The following AUTS2 variants were observed in gnomAD, a reference collection of about 807,000 sequenced individuals.
The protein encoded by AUTS2 is activator of transcription and developmental regulator AUTS2, also known as autism susceptibility gene 2 protein.
Under a neutral mutation model 112.4 loss-of-function variants are expected in AUTS2, and 17 were observed. The observed-to-expected ratio is 0.15, with a 90% CI of 0.10 to 0.23. The LOEUF is 0.23. Among genes scored for constraint, AUTS2 ranks in the 10% least tolerant of loss-of-function variants. The probability of loss-of-function intolerance (pLI) is 1.00; values close to 1 mark genes in which losing one functional copy is unlikely to be tolerated. For missense variants in AUTS2, 1,510 were observed against 1,701.6 expected, an observed-to-expected ratio of 0.89 and a Z score of 1.98; for synonymous variants, 751 against 702.7, an observed-to-expected ratio of 1.07 and a Z score of -1.09.
intron 2 of AUTS2, among the ~76,000 whole-genome samples, chr7:69,997,067 C>T (rs1798980012): frequency 6.6e-6 from 1 of 151,652 alleles, no homozygotes; most frequent in Non-Finnish European, 1.5e-5. Flanking sequence ...AAATGTGCAG[C>T]CAGGGTTGAG....
chr7:69,720,747 A>G (rs1039592614), intron 1 of AUTS2, among the ~76,000 whole-genome samples: 1 of 152,194 alleles, frequency 6.6e-6, no homozygotes, highest in African/African-American at 2.4e-5. Flanking sequence ...TCTGCCTAAG[A>G]AGTCAGACAG....
At chr7:70,605,546 C>CTTTTTTTTTTTTTTTTTTTTTTTTTT in intron 5 of AUTS2, among the ~76,000 whole-genome samples, 13 of 70,664 alleles carry the variant, frequency 1.8e-4, no homozygotes, top group African/African-American at 5.9e-4. Flanking sequence ...CCTTCTTTCT[C>CTTTTTTTTTTTTTTTTTTTTTTTTTT]TTTTTTTTTT....
intron 4 of AUTS2, among the ~76,000 whole-genome samples, chr7:70,417,192 C>T (rs1172871227): frequency 2.0e-5 from 3 of 152,222 alleles, no homozygotes; most frequent in Non-Finnish European, 4.4e-5. Flanking sequence ...TGCCTCCTCC[C>T]CAGCTAATTT....
intron 6 of AUTS2, among the ~76,000 whole-genome samples, chr7:70,739,572 A>G (rs536163700): frequency 1.2e-4 from 18 of 152,220 alleles, no homozygotes; most frequent in Middle Eastern, 3.4e-3. Flanking sequence ...GATAGGAGAT[A>G]GAGAAAAATT....
intron 5 of AUTS2, among the ~76,000 whole-genome samples, chr7:70,663,837 C>T (rs935264467): frequency 1.3e-5 from 2 of 152,158 alleles, no homozygotes; most frequent in Admixed American, 6.5e-5. Flanking sequence ...ATCACTACCA[C>T]GTCTCAGAAT....
intron 3 of AUTS2, among the ~76,000 whole-genome samples, chr7:70,129,590 T>C (rs1333222660): frequency 6.6e-6 from 1 of 152,180 alleles, no homozygotes; most frequent in Non-Finnish European, 1.5e-5. Context: ...CAGGTTATTA[T>C]CTTAAAAGCC....
At chr7:69,649,294 G>A (rs1795180462) in intron 1 of AUTS2, among the ~76,000 whole-genome samples, 1 of 152,176 alleles carries the variant, frequency 6.6e-6, no homozygotes, top group Non-Finnish European at 1.5e-5. Flanking sequence ...GGAGCAAGAG[G>A]CATCCAGCAA....
chr7:70,398,850 T>A (rs748594742), intron 4 of AUTS2, among the ~76,000 whole-genome samples: 26 of 152,218 alleles, frequency 1.7e-4, no homozygotes, highest in Non-Finnish European at 3.2e-4. Flanking sequence ...TTTTCATATA[T>A]AGCCATTTTC....
At chr7:70,242,925 AG>A (rs940093261) in intron 4 of AUTS2, among the ~76,000 whole-genome samples, 1 of 152,174 alleles carries the variant, frequency 6.6e-6, no homozygotes, top group Admixed American at 6.6e-5. Context: ...TCTTCTCTAA[AG>A]TAGTAAAGGT....
chr7:70,219,006 G>A (rs767340460), intron 4 of AUTS2, among the ~76,000 whole-genome samples: 3 of 152,066 alleles, frequency 2.0e-5, no homozygotes, highest in Non-Finnish European at 2.9e-5. Flanking sequence ...TTTGTTCTGC[G>A]TATTATTTTT....
intron 4 of AUTS2, among the ~76,000 whole-genome samples, chr7:70,425,554 G>A (rs1795397815): frequency 6.6e-6 from 1 of 152,218 alleles, no homozygotes; most frequent in Non-Finnish European, 1.5e-5. Context: ...GAAGGAGGGA[G>A]GGAGGAGGAA....
chr7:70,674,133 C>G (rs998807920), intron 5 of AUTS2, among the ~76,000 whole-genome samples: 1 of 152,100 alleles, frequency 6.6e-6, no homozygotes, highest in Admixed American at 6.5e-5. Flanking sequence ...GGGCAGCTCC[C>G]GGCTCTGCTC....
chr7:69,714,508 G>A (rs192582730), intron 1 of AUTS2, among the ~76,000 whole-genome samples: 1 of 152,002 alleles, frequency 6.6e-6, no homozygotes, highest in Non-Finnish European at 1.5e-5. Flanking sequence ...TCAAAAATTA[G>A]TTGTCTATAT....
At chr7:69,952,074 T>A (rs1354838630) in intron 2 of AUTS2, among the ~76,000 whole-genome samples, 1 of 152,182 alleles carries the variant, frequency 6.6e-6, no homozygotes, top group Non-Finnish European at 1.5e-5. Flanking sequence ...ACTGCACTTT[T>A]ATGGCCATTT....
intron 1 of AUTS2, among the ~76,000 whole-genome samples, chr7:69,856,602 G>A (rs1419532492): frequency 6.6e-6 from 1 of 152,140 alleles, no homozygotes; most frequent in Non-Finnish European, 1.5e-5. Flanking sequence ...TAAGCTGGAT[G>A]CATTAACTAG....
chr7:70,649,405 A>T (rs1806360800), intron 5 of AUTS2, among the ~76,000 whole-genome samples: 2 of 152,352 alleles, frequency 1.3e-5, no homozygotes, highest in South Asian at 2.1e-4. Context: ...CAAAAAAAAT[A>T]AAAAAGTAAG....
intron 1 of AUTS2, among the ~76,000 whole-genome samples, chr7:69,755,636 T>C (rs949562174): frequency 1.3e-5 from 2 of 152,220 alleles, no homozygotes; most frequent in African/African-American, 4.8e-5. Flanking sequence ...CACTTGCTAA[T>C]TACAGTATAT....
At chr7:70,470,462 A>G (rs1321616592) in intron 5 of AUTS2, among the ~76,000 whole-genome samples, 6 of 152,204 alleles carry the variant, frequency 3.9e-5, no homozygotes, top group African/African-American at 1.4e-4. Context: ...TAGAGAGAGG[A>G]GATTAAATTT....
intron 1 of AUTS2, among the ~76,000 whole-genome samples, chr7:69,895,830 T>A (rs1794721195): frequency 6.6e-6 from 1 of 152,228 alleles, no homozygotes; most frequent in Admixed American, 6.5e-5. Context: ...TATGAAAGAT[T>A]TGGTCTCCAA....
Sources: gnomAD v4.1 joint callset for allele counts (sites outside exome capture counted in the v4.1 genomes callset) on GRCh38, gnomAD v4.1.1 for gene constraint, MANE v1.5 for transcripts, NCBI Gene and HGNC (gene_info 2026-07-23, HGNC 2026-07-21) for gene names.